Variants in FGF13 observed in about 807,000 individuals in gnomAD.
FGF13 encodes the protein fibroblast growth factor homologous factor 2.
In FGF13, 2 loss-of-function variants were observed where a neutral mutation model predicts 19.5. That is an observed-to-expected ratio of 0.10 (90% CI 0.04 to 0.32). The LOEUF is 0.32. Among genes scored for constraint, FGF13 ranks in the 10% least tolerant of loss-of-function variants. The pLI, the probability that FGF13 is intolerant of heterozygous loss-of-function variation, is 1.00. For synonymous variants in FGF13, 72 were observed against 76.9 expected, an observed-to-expected ratio of 0.94 and a Z score of 0.33; for missense variants, 113 against 192.7, an observed-to-expected ratio of 0.59 and a Z score of 2.45.
rs370935883 is a variant in FGF13, at chrX:138,704,663, T to C, written c.299-1576A>G. On this transcript the variant is annotated intron_variant, in intron 2 of 4. Coordinates refer to ENST00000315930, the MANE Select transcript of FGF13 (RefSeq NM_004114.5). Reference sequence around the variant, plus strand: ...GGTGAGCCTACAACGTATCGTTCCTTTAAAACCAGGGTGTTACCAAAGAGG... The same window carrying C: ...GGTGAGCCTACAACGTATCGTTCCTCTAAAACCAGGGTGTTACCAAAGAGG... 2.7e-3 allele frequency among the ~76,000 whole-genome samples: 301 copies of C among 112,196 alleles called. 1 individual carries two copies. The highest frequency in any genetic ancestry group is 4.8e-3 in the Non-Finnish European group (254 of 53,236).
chrX:139,189,794 A>T (rs965573786), intron 1 of FGF13, among the ~76,000 whole-genome samples: 1 of 112,068 alleles, frequency 8.9e-6, no homozygotes, highest in East Asian at 2.8e-4. Context: ...AATACTTAAC[A>T]CTACTGATCT....
chrX:139,107,700 C>T (rs1456679389), intron 1 of FGF13, among the ~76,000 whole-genome samples: 3 of 109,794 alleles, frequency 2.7e-5, no homozygotes, highest in Non-Finnish European at 5.7e-5. Flanking sequence ...ATATTCAGAC[C>T]CTCAAAATAT....
intron 3 of FGF13, among the ~76,000 whole-genome samples, chrX:138,802,270 T>C (rs979572835): frequency 1.2e-4 from 13 of 111,894 alleles, no homozygotes; most frequent in African/African-American, 3.6e-4. Context: ...GGCCTGTGGA[T>C]TGCAAAAACC....
chrX:139,129,742 G>T (rs2083747209), intron 1 of FGF13, among the ~76,000 whole-genome samples: 1 of 111,182 alleles, frequency 9.0e-6, no homozygotes, highest in African/African-American at 3.3e-5. Context: ...CCAGGCAGAG[G>T]GCTAGGAGGC....
rs1486882253 is a variant in FGF13, at chrX:138,629,245, G to T, written c.*3605C>A. On this transcript the variant is annotated 3_prime_UTR_variant, in exon 5 of 5. Coordinates refer to ENST00000315930, the MANE Select transcript of FGF13 (RefSeq NM_004114.5). ...CGCTCCATGAAAATGTGGCTTTGTG[G>T]CCCAATAAGTTTGTCTCAGCATTTG... 1 of 112,305 alleles carries T rather than the reference G, an allele frequency of 8.9e-6. No homozygotes were observed. The highest frequency in any genetic ancestry group is 3.2e-5 in the African/African-American group (1 of 30,931). The allele number at this position is 112,305 out of a possible 1,213,427, so 9.3% of individuals were successfully genotyped here.
intron 3 of FGF13, among the ~76,000 whole-genome samples, chrX:138,824,465 G>C (rs781404798): frequency 1.8e-5 from 2 of 111,898 alleles, no homozygotes; most frequent in South Asian, 7.6e-4. Context: ...TCAGGGCAAA[G>C]AGCAAATAGG....
rs1206065109 is a variant in FGF13 at position 138,756,715 on chromosome X, G to T, written c.218-47787C>A. On this transcript the variant is annotated intron_variant, in intron 3 of 6. Coordinates refer to the FGF13 transcript ENST00000436198. The stretch of plus-strand genomic sequence containing the variant: ...CCTTCAGGAATACCAGGCTGCCTGG[G>T]GGACAATTGTACATTACATTGTCAG... Among the ~76,000 whole-genome samples the T allele has an allele frequency of 2.7e-5, 3 of 111,603 alleles. No homozygotes were observed. In the East Asian group the frequency reaches 8.5e-4, roughly 32 times the overall value.
At chrX:138,874,176 A>ATATG (rs10685013) in intron 1 of FGF13, among the ~76,000 whole-genome samples, 20 of 100,008 alleles carry the variant, frequency 2.0e-4, no homozygotes, top group Admixed American at 1.1e-4. Context: ...ATATATATAT[A>ATATG]AAGTAAAATT....
intron 1 of FGF13, among the ~76,000 whole-genome samples, chrX:138,874,094 G>T (rs1298066859): frequency 9.6e-6 from 1 of 103,888 alleles, no homozygotes; most frequent in African/African-American, 3.5e-5. Context: ...CATGGTACAT[G>T]TATACATATG....
intron 1 of FGF13, among the ~76,000 whole-genome samples, chrX:139,090,941 C>CA (rs1181771963): frequency 0.11 from 3,447 of 32,249 alleles, 221 homozygotes; most frequent in African/African-American, 0.14. Context: ...GACCCTGTCT[C>CA]AAAAAAAAAA....
intron 1 of FGF13, among the ~76,000 whole-genome samples, chrX:138,935,636 T>C (rs1009734292): frequency 2.4e-4 from 27 of 111,949 alleles, no homozygotes; most frequent in Non-Finnish European, 4.9e-4. Context: ...ATTTGGACTT[T>C]TAAAATTGAC....
chrX:138,694,595 C>A (rs1280465753), intron 3 of FGF13, among the ~76,000 whole-genome samples: 1 of 106,537 alleles, frequency 9.4e-6, no homozygotes, highest in South Asian at 4.3e-4. Flanking sequence ...GGACTACAGG[C>A]GCCTGCCACC....
intron 1 of FGF13, among the ~76,000 whole-genome samples, chrX:138,734,790 C>A (rs769144249): frequency 2.4e-4 from 27 of 111,916 alleles, no homozygotes; most frequent in Admixed American, 1.4e-3. Context: ...GCTGGGCAGC[C>A]AGCCTGTGCC....
At chrX:138,698,824 A>G (rs868624917) in intron 3 of FGF13, among the ~76,000 whole-genome samples, 38 of 111,844 alleles carry the variant, frequency 3.4e-4, no homozygotes, top group Middle Eastern at 9.3e-3. Flanking sequence ...TTAGTAAATA[A>G]TTTAGGCTTT....
intron 1 of FGF13, among the ~76,000 whole-genome samples, chrX:138,884,717 C>T (rs1047698359): frequency 2.7e-5 from 3 of 111,843 alleles, no homozygotes; most frequent in Non-Finnish European, 5.6e-5. Context: ...AGGACAAATA[C>T]TACATTCACA....
At chrX:139,110,461 C>T (rs1018769840) in intron 1 of FGF13, among the ~76,000 whole-genome samples, 1 of 110,124 alleles carries the variant, frequency 9.1e-6, no homozygotes, top group Non-Finnish European at 1.9e-5. Context: ...CTCACGAGAT[C>T]TGACGGTTTT....
chrX:138,994,938 C>T (rs1474271842), intron 1 of FGF13, among the ~76,000 whole-genome samples: 3 of 107,111 alleles, frequency 2.8e-5, no homozygotes, highest in African/African-American at 1.0e-4. Context: ...GGCTCCACTG[C>T]TTGTCCCACC....
intron 1 of FGF13, among the ~76,000 whole-genome samples, chrX:139,077,745 G>A (rs2083341747): frequency 8.9e-6 from 1 of 111,893 alleles, no homozygotes; most frequent in South Asian, 3.8e-4. Flanking sequence ...TGCCACATAA[G>A]AGTGAATCAT....
intron 1 of FGF13, among the ~76,000 whole-genome samples, chrX:139,033,164 C>A (rs748523163): frequency 4.6e-5 from 5 of 109,377 alleles, no homozygotes; most frequent in Admixed American, 9.9e-5. Context: ...CAAATCAGAG[C>A]AAAATTGGAG....
Sources: gnomAD v4.1 joint callset for allele counts (sites outside exome capture counted in the v4.1 genomes callset) on GRCh38, gnomAD v4.1.1 for gene constraint, MANE v1.5 for transcripts, NCBI Gene and HGNC (gene_info 2026-07-23, HGNC 2026-07-21) for gene names.